Variants in WWOX observed in about 807,000 individuals in gnomAD.
WWOX encodes the protein WW domain-containing oxidoreductase.
In WWOX, 69 loss-of-function variants were observed where a neutral mutation model predicts 46.2. The observed-to-expected ratio is 1.49, with a 90% CI of 1.23 to 1.82. WWOX has a LOEUF of 1.82. Among genes scored for constraint, WWOX ranks in the 40% most tolerant of loss-of-function variants. The pLI is 0.00. For synonymous variants in WWOX, 359 were observed against 202.6 expected, an observed-to-expected ratio of 1.77 and a Z score of -6.56; for missense variants, 919 against 542.6, an observed-to-expected ratio of 1.69 and a Z score of -6.89.
At chr16:79,016,992 C>A (rs531404348) in intron 8 of WWOX, 47 of 152,266 alleles carry the variant, frequency 3.1e-4, no homozygotes, top group African/African-American at 1.1e-3. Context: ...GAGCCACTGC[C>A]CCTGCCCTAG....
At position 78,734,355 on chromosome 16, in the gene WWOX, A is replaced by G. The variant is rs139103527; in HGVS notation, c.1056+301603A>G. Among the ~76,000 whole-genome samples the G allele has an allele frequency of 5.9e-5, 9 of 152,250 alleles. No homozygotes were observed. The East Asian group carries it at 1.7e-3, about 30-fold the overall frequency. On this transcript the variant is annotated intron_variant, in intron 8 of 8. Coordinates refer to ENST00000566780, the MANE Select transcript of WWOX (RefSeq NM_016373.4). ...CTTAGGAGTCCTGAATTTATCATCAATATTTATATCGCTGTTTGGCCCCTA... is the reference window on the plus strand; with the variant it reads ...CTTAGGAGTCCTGAATTTATCATCAGTATTTATATCGCTGTTTGGCCCCTA...
At chr16:79,103,560 G>T (rs951384263) in intron 8 of WWOX, among the ~76,000 whole-genome samples, 1 of 152,148 alleles carries the variant, frequency 6.6e-6, no homozygotes, top group African/African-American at 2.4e-5. Flanking sequence ...GTGATTGTCA[G>T]CTCCAATTTA....
At chr16:78,422,944 G>A (rs1247095258) in intron 6 of WWOX, among the ~76,000 whole-genome samples, 3 of 149,862 alleles carry the variant, frequency 2.0e-5, no homozygotes, top group East Asian at 4.0e-4. Context: ...GGGGTGCAGT[G>A]ACATGATCTC....
intron 8 of WWOX, among the ~76,000 whole-genome samples, chr16:78,811,022 C>T (rs746360731): frequency 1.3e-5 from 2 of 152,126 alleles, no homozygotes; most frequent in Non-Finnish European, 2.9e-5. Context: ...TAGTAACTTG[C>T]ACTGTATTTC....
intron 5 of WWOX, among the ~76,000 whole-genome samples, chr16:78,261,185 G>T (rs1170041698): frequency 6.6e-6 from 1 of 150,578 alleles, no homozygotes; most frequent in Non-Finnish European, 1.5e-5. Context: ...GGCCAAAAAA[G>T]CAGATTGGTA....
intron 8 of WWOX, among the ~76,000 whole-genome samples, chr16:79,158,795 C>A (rs2150745961): frequency 6.6e-6 from 1 of 152,216 alleles, no homozygotes; most frequent in East Asian, 1.9e-4. Flanking sequence ...CTGTGCTTCT[C>A]ACTCTCGTTT....
chr16:78,861,361 C>T (rs529553153), intron 8 of WWOX, among the ~76,000 whole-genome samples: 1 of 152,112 alleles, frequency 6.6e-6, no homozygotes, highest in Non-Finnish European at 1.5e-5. Context: ...ATTTTTGGCT[C>T]CAGCTTATTA....
chr16:78,524,593 A>G (rs1439078026), intron 8 of WWOX, among the ~76,000 whole-genome samples: 1 of 151,238 alleles, frequency 6.6e-6, no homozygotes, highest in South Asian at 2.1e-4. Flanking sequence ...GCTAATTTTT[A>G]TATTTTTAGT....
intron 5 of WWOX, among the ~76,000 whole-genome samples, chr16:78,368,752 C>G (rs72796018): frequency 0.053 from 8,034 of 152,250 alleles, 281 homozygotes; most frequent in East Asian, 0.12. Flanking sequence ...TGCAACTTAG[C>G]TGGCTTTTAG....
intron 8 of WWOX, among the ~76,000 whole-genome samples, chr16:79,129,375 T>A (rs1392858870): frequency 1.3e-5 from 2 of 148,500 alleles, no homozygotes; most frequent in Non-Finnish European, 3.0e-5. Flanking sequence ...AAATTTGTTA[T>A]GATGCAGTCT....
intron 8 of WWOX, among the ~76,000 whole-genome samples, chr16:78,734,279 G>C (rs2049032828): frequency 6.6e-6 from 1 of 152,092 alleles, no homozygotes; most frequent in Non-Finnish European, 1.5e-5. Context: ...TACCTGAAAA[G>C]GGAGTATTTT....
chr16:79,014,754 G>A (rs1459843727), intron 8 of WWOX, among the ~76,000 whole-genome samples: 1 of 152,156 alleles, frequency 6.6e-6, no homozygotes, highest in African/African-American at 2.4e-5. Flanking sequence ...ACTAGTAAGT[G>A]GATTCGAGTT....
At chr16:78,412,870 A>C (rs1341319297) in intron 6 of WWOX, among the ~76,000 whole-genome samples, 1 of 152,224 alleles carries the variant, frequency 6.6e-6, no homozygotes, top group East Asian at 1.9e-4. Context: ...GGGAAGAGAG[A>C]GACGAGTGCA....
chr16:78,494,999 AG>A (rs1236692546), intron 8 of WWOX, among the ~76,000 whole-genome samples: 2 of 152,200 alleles, frequency 1.3e-5, no homozygotes, highest in African/African-American at 4.8e-5. Context: ...GGCGAAACCC[AG>A]GGGGTCAAGC....
At chr16:78,995,646 T>C (rs893490270) in intron 8 of WWOX, among the ~76,000 whole-genome samples, 9 of 152,114 alleles carry the variant, frequency 5.9e-5, no homozygotes, top group Non-Finnish European at 1.5e-5. Flanking sequence ...ATGTGGTTGA[T>C]GGGGACAGCA....
intron 8 of WWOX, among the ~76,000 whole-genome samples, chr16:78,462,578 G>A (rs1031830083): frequency 1.3e-5 from 2 of 152,178 alleles, no homozygotes; most frequent in Non-Finnish European, 2.9e-5. Context: ...CGTGCTGAGC[G>A]CTCACTGAAG....
intron 8 of WWOX, among the ~76,000 whole-genome samples, chr16:79,015,691 T>C (rs752063510): frequency 3.9e-5 from 6 of 152,220 alleles, no homozygotes; most frequent in Non-Finnish European, 8.8e-5. Context: ...CCTTCTCTTA[T>C]TAGTTTATCT....
At chr16:78,666,198 G>T (rs933146138) in intron 8 of WWOX, among the ~76,000 whole-genome samples, 2 of 152,070 alleles carry the variant, frequency 1.3e-5, no homozygotes, top group African/African-American at 4.8e-5. Flanking sequence ...AAGGCAGGGG[G>T]ATTGTTGGAG....
At chr16:78,609,005 A>G (rs927643684) in intron 8 of WWOX, among the ~76,000 whole-genome samples, 3 of 151,726 alleles carry the variant, frequency 2.0e-5, no homozygotes, top group African/African-American at 7.3e-5. Context: ...TTGATTCTTC[A>G]TATTTGGGAC....
Sources: gnomAD v4.1 joint callset for allele counts (sites outside exome capture counted in the v4.1 genomes callset) on GRCh38, gnomAD v4.1.1 for gene constraint, MANE v1.5 for transcripts, NCBI Gene and HGNC (gene_info 2026-07-23, HGNC 2026-07-21) for gene names.